Variants in ABLIM2 observed in about 807,000 individuals in gnomAD.
ABLIM2 encodes the protein actin binding LIM protein family member 2, also known as actin-binding LIM protein 2.
ABLIM2 carries 53 observed loss-of-function variants against 97.7 expected under a neutral mutation model. The ratio of observed to expected loss-of-function variants is 0.54; its 90% CI spans 0.44 to 0.68. The LOEUF (loss-of-function observed/expected upper bound fraction) is 0.68, where lower values mean the gene tolerates loss of function less well. Among genes scored for constraint, ABLIM2 ranks in the 30% least tolerant of loss-of-function variants. ABLIM2 has a pLI of 0.00. For synonymous variants in ABLIM2, 361 were observed against 345.8 expected (o/e 1.04, Z -0.49); for missense variants, 835 against 867.2 (o/e 0.96, Z 0.47).
At chr4:8,027,026 G>A (rs898803951) in intron 12 of ABLIM2, among the ~76,000 whole-genome samples, 1 of 152,018 alleles carries the variant, frequency 6.6e-6, no homozygotes, top group Non-Finnish European at 1.5e-5. Flanking sequence ...GAGAGGGAGC[G>A]AGCTTTGGCG....
rs2152340268 is a variant in ABLIM2 at position 8,072,286 on chromosome 4, C to T, written c.675+5342G>A. Among the ~76,000 whole-genome samples, 1 of 152,170 alleles carries T rather than the reference C, an allele frequency of 6.6e-6. No individual in the cohort carries two copies. Among genetic ancestry groups the T allele is most frequent in the Admixed American group, 6.5e-5 (1 of 15,302 alleles). On this transcript the variant is annotated intron_variant, in intron 6 of 20. Transcript: ENST00000447017. This position sits in a 1 kb window ranked among gnomAD's most constrained non-coding sequence, Gnocchi z 5.8. ...ATATCAGGGATGCTTACATTGCAGA[C>T]ATGGGACGCTTGCCTCCCAATCCAT...
chr4:7,983,375 C>A lies in ABLIM2; in HGVS notation c.1744-31G>T, dbSNP rs1362365769. 7 of 1,603,558 alleles carry A rather than the reference C, an allele frequency of 4.4e-6. No individual in the cohort carries two copies. In the East Asian group the frequency reaches 9.0e-5, roughly 21 times the overall value. On this transcript the variant is annotated intron_variant, in intron 19 of 20. Coordinates refer to ENST00000447017, the MANE Select transcript of ABLIM2 (RefSeq NM_001130083.2). ...GGGGGAGGAAACCACAGGGTCACCT[C>A]ACGAAGCAAGTGTATGCTGGCACCA...
intron 1 of ABLIM2, among the ~76,000 whole-genome samples, chr4:8,156,712 C>T (rs966457457): frequency 6.6e-6 from 1 of 152,208 alleles, no homozygotes; most frequent in Non-Finnish European, 1.5e-5. Flanking sequence ...ATAATGCCAG[C>T]GGGTGTGGGG....
At chr4:8,099,196 CAA>C (rs1347666017) in intron 2 of ABLIM2, among the ~76,000 whole-genome samples, 1 of 152,184 alleles carries the variant, frequency 6.6e-6, no homozygotes, top group Non-Finnish European at 1.5e-5. Context: ...GTAGACCAAG[CAA>C]ATACATCCCA....
intron 20 of ABLIM2, among the ~76,000 whole-genome samples, chr4:7,973,908 T>A (rs1176494512): frequency 1.3e-5 from 2 of 152,186 alleles, no homozygotes; most frequent in African/African-American, 2.4e-5. Flanking sequence ...GTGCTGCAGA[T>A]GCGGCTCACA....
rs1156907468 is a variant in ABLIM2, at chr4:8,149,089, CG to C, written c.10+9590del. 6.6e-6 allele frequency among the ~76,000 whole-genome samples: 1 copy of C among 152,104 alleles called. No individual in the cohort carries two copies. The highest frequency in any genetic ancestry group is 2.4e-5 in the African/African-American group (1 of 41,404). ...TAGGGCTGGGGCCATCTGGAGGCTC[CG>C]GGGGAGATCCACTTCCGTGCCTCTT... On this transcript the variant is annotated intron_variant, in intron 1 of 20. Transcript: ENST00000447017. This position sits in a 1 kb window ranked among gnomAD's most constrained non-coding sequence, Gnocchi z 6.4.
chr4:8,147,254 A>T lies in ABLIM2; in HGVS notation c.10+11426T>A, dbSNP rs934928011. Among the ~76,000 whole-genome samples the T allele has an allele frequency of 7.9e-5, 12 of 151,962 alleles. No individual in the cohort carries two copies. The highest frequency in any genetic ancestry group is 2.1e-4 in the South Asian group (1 of 4,814). On this transcript the variant is annotated intron_variant, in intron 1 of 20. Transcript: ENST00000447017. This position sits in a 1 kb window ranked among gnomAD's most constrained non-coding sequence, Gnocchi z 5.3. ...GGGACGTTTAAATTTAGCGAGTAAC[A>T]TTTTTTTTATCCTATGAGAAGTCAT...
In ABLIM2 at chr4:8,021,436, C is replaced by A. The variant is rs1773638079; in HGVS notation, c.1268-1133G>T. 6.6e-6 allele frequency among the ~76,000 whole-genome samples: 1 copy of A among 152,226 alleles called. No individual in the cohort carries two copies. Among genetic ancestry groups the A allele is most frequent in the Non-Finnish European group, 1.5e-5 (1 of 68,034 alleles). The stretch of plus-strand genomic sequence containing the variant: ...ACTCCCAAGGCCCCGTTCCTCCCAC[C>A]TGCCAGCCCCAGGAAGCCCCCTCAG... On this transcript the variant is annotated intron_variant, in intron 12 of 20. Transcript: ENST00000447017. The surrounding 1 kb of genome is among the most constrained non-coding windows in gnomAD (Gnocchi z 5.5).
At chr4:8,152,124 G>A (rs541834783) in intron 1 of ABLIM2, among the ~76,000 whole-genome samples, 33 of 152,188 alleles carry the variant, frequency 2.2e-4, no homozygotes, top group Admixed American at 7.8e-4. Flanking sequence ...ACCAAGAAGC[G>A]CCATCATGAT....
chr4:8,151,791 A>G (rs531477950), intron 1 of ABLIM2, among the ~76,000 whole-genome samples: 14 of 148,756 alleles, frequency 9.4e-5, no homozygotes, highest in African/African-American at 3.2e-4. Flanking sequence ...TGGGCTGTGT[A>G]AGCAGGGGGA....
chr4:8,115,887 C>T (rs746173643), intron 1 of ABLIM2, among the ~76,000 whole-genome samples: 1 of 152,170 alleles, frequency 6.6e-6, no homozygotes, highest in Non-Finnish European at 1.5e-5. Context: ...GATGCTCATT[C>T]TGGGAACCCG....
intron 10 of ABLIM2, among the ~76,000 whole-genome samples, chr4:8,035,297 C>T (rs1783878538): frequency 6.6e-6 from 1 of 152,144 alleles, no homozygotes; most frequent in Non-Finnish European, 1.5e-5. Context: ...CAGGTGCACC[C>T]AGCAGCCATG....
At chr4:8,144,612 G>C (rs1851504367) in intron 1 of ABLIM2, among the ~76,000 whole-genome samples, 1 of 152,200 alleles carries the variant, frequency 6.6e-6, no homozygotes. Context: ...CTGAGCTCCA[G>C]TGCCAGCCCA....
chr4:7,979,717 G>C (rs1026447660), intron 20 of ABLIM2, among the ~76,000 whole-genome samples: 2 of 152,170 alleles, frequency 1.3e-5, no homozygotes, highest in African/African-American at 4.8e-5. Flanking sequence ...GGTTATCTAA[G>C]ATGGAGTGTT....
In ABLIM2 at chr4:8,028,012, T is replaced by G. The variant is rs1163383769; in HGVS notation, c.1169-155A>C. Among the ~76,000 whole-genome samples the G allele has an allele frequency of 2.0e-5, 3 of 152,234 alleles. No individual in the cohort carries two copies. In the East Asian group the frequency reaches 5.8e-4, roughly 29 times the overall value. Reference sequence around the variant, plus strand: ...CTGAAGGTGGTCACCAAACATGCTTTAGACCACTCTCCTCCAGGAGCGAGG... The same window carrying G: ...CTGAAGGTGGTCACCAAACATGCTTGAGACCACTCTCCTCCAGGAGCGAGG... On this transcript the variant is annotated intron_variant, in intron 11 of 20. Transcript: ENST00000447017.
rs1432782740 is a variant in ABLIM2 at position 8,060,991 on chromosome 4, C to CTGCAAGGCCAGA, written c.738_739insTCTGGCCTTGCA (p.Ala246_Glu247insSerGlyLeuAla). 6.3e-7 allele frequency: 1 copy of CTGCAAGGCCAGA among 1,597,022 alleles called. No individual in the cohort carries two copies. The highest frequency in any genetic ancestry group is 8.5e-7 in the Non-Finnish European group (1 of 1,171,762). Reference sequence around the variant, plus strand: ...CCTTGAAGATACATCTCTTCGCCTTCTGCAAACATCTGGCCGCACCTGACA... The same window carrying CTGCAAGGCCAGA: ...CCTTGAAGATACATCTCTTCGCCTTCTGCAAGGCCAGATGCAAACATCTGGCCGCACCTGACA... On this transcript the variant is annotated inframe_insertion, in exon 7 of 21. Transcript: ENST00000447017.
At position 8,071,204 on chromosome 4, in the gene ABLIM2, T is replaced by C. The variant is rs2152326229; in HGVS notation, c.675+6424A>G. Among the ~76,000 whole-genome samples, 1 of 152,238 alleles carries C rather than the reference T, an allele frequency of 6.6e-6. No homozygotes were observed. The highest frequency in any genetic ancestry group is 2.4e-5 in the African/African-American group (1 of 41,520). ...CCCCAGCAGCTGGCTCTGCCACAGTTGCTGCCAGGCGCCACCCACCTCTGC... is the reference window on the plus strand; with the variant it reads ...CCCCAGCAGCTGGCTCTGCCACAGTCGCTGCCAGGCGCCACCCACCTCTGC... On this transcript the variant is annotated intron_variant, in intron 6 of 20. Coordinates refer to ENST00000447017, the MANE Select transcript of ABLIM2 (RefSeq NM_001130083.2). The surrounding 1 kb of genome is among the most constrained non-coding windows in gnomAD (Gnocchi z 6.2).
At position 8,057,968 on chromosome 4, in the gene ABLIM2, C is replaced by G. The variant is rs530767353; in HGVS notation, c.763+2999G>C. Among the ~76,000 whole-genome samples, 32 of 152,346 alleles carry G rather than the reference C, an allele frequency of 2.1e-4. No individual in the cohort carries two copies. In the East Asian group the frequency reaches 5.0e-3, roughly 24 times the overall value. ...CTCAAAGCCACACAGCTGGTCAGAC[C>G]TGTCATGATTCAGACTGAGAAATCC... On this transcript the variant is annotated intron_variant, in intron 7 of 20. Transcript: ENST00000447017.
In ABLIM2 at chr4:7,998,072, G is replaced by A. The variant is rs977951497; in HGVS notation, c.1619-5145C>T. ...GATTTTGTATTTTTAGTAGAGACGG[G>A]GTTTCTCCATGTTGATCGGGCTCGT... On this transcript the variant is annotated intron_variant, in intron 16 of 20. Coordinates refer to ENST00000447017, the MANE Select transcript of ABLIM2 (RefSeq NM_001130083.2). This position sits in a 1 kb window ranked among gnomAD's most constrained non-coding sequence, Gnocchi z 6.4. Among the ~76,000 whole-genome samples the A allele has an allele frequency of 2.0e-5, 3 of 151,868 alleles. No homozygotes were observed. Among genetic ancestry groups the A allele is most frequent in the African/African-American group, 7.3e-5 (3 of 41,338 alleles).
Sources: allele counts gnomAD v4.1 joint callset (sites outside exome capture counted in the v4.1 genomes callset), GRCh38; gene constraint gnomAD v4.1.1; non-coding constraint Gnocchi (gnomAD v3.1); transcripts MANE v1.5; gene names NCBI Gene and HGNC (gene_info 2026-07-23, HGNC 2026-07-21).